FRMD5: variants seen among roughly 807,000 people sequenced by gnomAD.
FRMD5 encodes the protein FERM domain-containing protein 5.
In FRMD5, 20 loss-of-function variants were observed where a neutral mutation model predicts 69.0. The ratio of observed to expected loss-of-function variants is 0.29; its 90% CI spans 0.20 to 0.42. The LOEUF is 0.42. Among genes scored for constraint, FRMD5 ranks in the 10% least tolerant of loss-of-function variants. FRMD5 has a pLI of 1.00. For synonymous variants in FRMD5, 271 were observed against 260.1 expected, an observed-to-expected ratio of 1.04 and a Z score of -0.40; for missense variants, 595 against 708.6, an observed-to-expected ratio of 0.84 and a Z score of 1.82.
In FRMD5 at chr15:44,079,065, C is replaced by G. The variant is rs1287547998; in HGVS notation, c.102+115888G>C. On this transcript the variant is annotated intron_variant, in intron 1 of 13. Coordinates refer to ENST00000417257, the MANE Select transcript of FRMD5 (RefSeq NM_032892.5). ...CAGATATATAGAGAACTCCTATAAC[C>G]CAATAACAAAAAACATCCCAATTAA... is the stretch of plus-strand genomic sequence containing the variant. Among the ~76,000 whole-genome samples the G allele has an allele frequency of 4.0e-5, 6 of 151,738 alleles. No individual in the cohort carries two copies. In the East Asian group the frequency reaches 1.2e-3, roughly 29 times the overall value.
At chr15:44,150,848 T>C (rs2077433157) in intron 1 of FRMD5, among the ~76,000 whole-genome samples, 1 of 151,960 alleles carries the variant, frequency 6.6e-6, no homozygotes. Flanking sequence ...TCCCAACATT[T>C]TGGGAGGCCA....
At chr15:44,123,142 T>C (rs1233402962) in intron 1 of FRMD5, among the ~76,000 whole-genome samples, 21 of 151,818 alleles carry the variant, frequency 1.4e-4, no homozygotes, top group Non-Finnish European at 4.4e-5. Context: ...GTCAGGAGTT[T>C]GAGACCAGCC....
chr15:44,136,353 A>C (rs1396990030), intron 1 of FRMD5, among the ~76,000 whole-genome samples: 3 of 152,162 alleles, frequency 2.0e-5, no homozygotes, highest in Non-Finnish European at 4.4e-5. Context: ...TCAGGTGCAA[A>C]TAATATTTTA....
chr15:43,969,089 CTTT>C (rs767527729), intron 1 of FRMD5, among the ~76,000 whole-genome samples: 3 of 137,236 alleles, frequency 2.2e-5, no homozygotes, highest in African/African-American at 2.7e-5. Context: ...TGCCTTCATT[CTTT>C]TTTTTTTTTT....
At position 43,879,529 on chromosome 15, in the gene FRMD5, C is replaced by T. The variant is rs142413847; in HGVS notation, c.1135+4174G>A. ...AAATGCTCCAGCTGATTCCCTTGCCCGGGGGTCACAGCAGTCAGGACCCTA... is the reference window on the plus strand; with the variant it reads ...AAATGCTCCAGCTGATTCCCTTGCCTGGGGGTCACAGCAGTCAGGACCCTA... On this transcript the variant is annotated intron_variant, in intron 13 of 13. Transcript: ENST00000417257. The T allele has an allele frequency of 4.3e-4, 173 of 399,034 alleles. No individual in the cohort carries two copies. Among genetic ancestry groups the T allele is most frequent in the Middle Eastern group, 1.9e-3 (3 of 1,588 alleles). 24.7% of individuals were successfully genotyped at this position (399,034 alleles called of 1,614,324 possible). A position where few individuals can be genotyped will look rare whatever the true frequency, so the allele number is the denominator to read the frequency against.
intron 8 of FRMD5, among the ~76,000 whole-genome samples, chr15:43,889,435 A>G (rs1047505890): frequency 3.9e-5 from 6 of 152,206 alleles, no homozygotes; most frequent in South Asian, 4.1e-4. Flanking sequence ...AACAGATTAC[A>G]TGGAACAGTC....
chr15:43,962,870 T>C (rs1410959971), intron 1 of FRMD5, among the ~76,000 whole-genome samples: 2 of 152,222 alleles, frequency 1.3e-5, no homozygotes, highest in Non-Finnish European at 2.9e-5. Context: ...AAGCTGAAAC[T>C]GGATCGCTTC....
chr15:44,132,514 G>A (rs1222361909), intron 1 of FRMD5, among the ~76,000 whole-genome samples: 1 of 152,010 alleles, frequency 6.6e-6, no homozygotes. Flanking sequence ...CTGCATCCTC[G>A]ACTTCCTGGA....
chr15:44,109,194 C>A (rs1023720789), intron 1 of FRMD5, among the ~76,000 whole-genome samples: 2 of 151,986 alleles, frequency 1.3e-5, no homozygotes, highest in African/African-American at 4.8e-5. Context: ...ATCACATTAA[C>A]TATGAAGTAT....
chr15:43,894,998 G>A (rs996404575), intron 7 of FRMD5, among the ~76,000 whole-genome samples: 12 of 151,990 alleles, frequency 7.9e-5, no homozygotes, highest in African/African-American at 2.9e-4. Flanking sequence ...GGCCAAGGTG[G>A]GTCTTGAACT....
chr15:44,192,423 T>C (rs562264749), intron 1 of FRMD5, among the ~76,000 whole-genome samples: 2 of 152,322 alleles, frequency 1.3e-5, no homozygotes, highest in African/African-American at 4.8e-5. Context: ...AAATATGGCA[T>C]ACAACACTTT....
At chr15:43,988,141 T>C (rs1889486323) in intron 1 of FRMD5, among the ~76,000 whole-genome samples, 1 of 152,120 alleles carries the variant, frequency 6.6e-6, no homozygotes, top group Non-Finnish European at 1.5e-5. Context: ...CGGCTGTAAA[T>C]ACAGATGAAG....
chr15:44,076,315 CA>C (rs1228028297), intron 1 of FRMD5, among the ~76,000 whole-genome samples: 1 of 151,186 alleles, frequency 6.6e-6, no homozygotes, highest in Non-Finnish European at 1.5e-5. Flanking sequence ...TATAAAGACA[CA>C]TGCACACGTA....
intron 1 of FRMD5, among the ~76,000 whole-genome samples, chr15:44,142,610 A>C (rs2077290084): frequency 6.6e-6 from 1 of 152,216 alleles, no homozygotes; most frequent in South Asian, 2.1e-4. Flanking sequence ...TTTCTTTAAA[A>C]TCTATCATTC....
rs1469864012 is a variant in FRMD5 at position 43,962,161 on chromosome 15, A to G, written c.103-37852T>C. ...GATTGTATATCTACAAAACCCCACCATCTCAGCCCAAAATCTCCTTAAGCT... is the reference window on the plus strand; with the variant it reads ...GATTGTATATCTACAAAACCCCACCGTCTCAGCCCAAAATCTCCTTAAGCT... On this transcript the variant is annotated intron_variant, in intron 1 of 13. Transcript: ENST00000417257. 1.2e-4 allele frequency among the ~76,000 whole-genome samples: 18 copies of G among 152,260 alleles called. No individual in the cohort carries two copies. The South Asian group carries it at 2.1e-3, about 18-fold the overall frequency.
intron 1 of FRMD5, among the ~76,000 whole-genome samples, chr15:44,001,773 A>AT (rs1566891300): frequency 6.6e-6 from 1 of 151,796 alleles, no homozygotes; most frequent in Non-Finnish European, 1.5e-5. Flanking sequence ...CGCCCAGCTA[A>AT]TTTTTTTGTA....
chr15:44,008,577 T>A (rs1431018039), intron 1 of FRMD5, among the ~76,000 whole-genome samples: 1 of 152,078 alleles, frequency 6.6e-6, no homozygotes, highest in Non-Finnish European at 1.5e-5. Context: ...CAGGCTTTTT[T>A]AACATGTGGT....
intron 1 of FRMD5, among the ~76,000 whole-genome samples, chr15:44,154,446 T>C (rs561728357): frequency 6.0e-4 from 92 of 152,326 alleles, no homozygotes; most frequent in African/African-American, 2.1e-3. Flanking sequence ...CTTACATACT[T>C]GGTTATTGAG....
intron 1 of FRMD5, among the ~76,000 whole-genome samples, chr15:43,958,429 GTTTT>G (rs549906254): frequency 4.6e-5 from 7 of 152,132 alleles, no homozygotes; most frequent in Non-Finnish European, 8.8e-5. Context: ...TTGTTTTTTT[GTTTT>G]TTTGTTTTTG....
Sources: gnomAD v4.1 joint callset for allele counts (sites outside exome capture counted in the v4.1 genomes callset) on GRCh38, gnomAD v4.1.1 for gene constraint, MANE v1.5 for transcripts, NCBI Gene and HGNC (gene_info 2026-07-23, HGNC 2026-07-21) for gene names.